Variants in SCP2 observed in about 807,000 individuals in gnomAD.
SCP2 encodes the protein sterol carrier protein 2.
A neutral mutation model predicts 71.4 loss-of-function variants in SCP2; 48 were observed. The ratio of observed to expected loss-of-function variants is 0.67; its 90% CI spans 0.53 to 0.86. SCP2 has a LOEUF of 0.86. Ranked by LOEUF, SCP2 falls within the 40% of genes least tolerant of loss-of-function variation. The pLI is 0.00. For missense variants in SCP2, 560 were observed against 655.6 expected (o/e 0.85, Z 1.59); for synonymous variants, 220 against 218.1 (o/e 1.01, Z -0.08).
chr1:52,995,325 T>C, intron 11 of SCP2: 1 of 477,876 alleles, frequency 2.1e-6, no homozygotes, highest in Non-Finnish European at 4.2e-6. Context: ...GCATTGACAA[T>C]GAGGCCCTCT....
intron 2 of SCP2, among the ~76,000 whole-genome samples, chr1:52,947,329 G>A (rs955103850): frequency 6.8e-6 from 1 of 145,992 alleles, no homozygotes; most frequent in Non-Finnish European, 1.5e-5. Context: ...CTTTTAACTC[G>A]TTTTGCTTTC....
chr1:53,007,226 A>G (rs1222487257), intron 11 of SCP2, among the ~76,000 whole-genome samples: 5 of 152,296 alleles, frequency 3.3e-5, no homozygotes, highest in African/African-American at 1.2e-4. Flanking sequence ...AACGAGAGAG[A>G]AAGTTAACAA....
At chr1:52,996,708 G>A (rs1659960265) in intron 11 of SCP2, among the ~76,000 whole-genome samples, 1 of 152,130 alleles carries the variant, frequency 6.6e-6, no homozygotes, top group South Asian at 2.1e-4. Flanking sequence ...GATCAAGGGG[G>A]GAAAGAGATC....
At chr1:53,003,034 C>G (rs1357522301) in intron 11 of SCP2, among the ~76,000 whole-genome samples, 1 of 152,136 alleles carries the variant, frequency 6.6e-6, no homozygotes, top group Non-Finnish European at 1.5e-5. Flanking sequence ...TCCAGGCCAC[C>G]CATCCTTGTT....
intron 14 of SCP2, among the ~76,000 whole-genome samples, chr1:53,046,163 C>T (rs1050314477): frequency 1.3e-5 from 2 of 152,038 alleles, no homozygotes; most frequent in African/African-American, 2.4e-5. Flanking sequence ...CATTTTTCTT[C>T]GGTAAATACC....
intron 11 of SCP2, among the ~76,000 whole-genome samples, chr1:53,000,086 C>T (rs748271770): frequency 2.0e-4 from 31 of 151,728 alleles, no homozygotes; most frequent in Admixed American, 6.6e-5. Flanking sequence ...GGATTACAGG[C>T]GTGAGCTGTC....
intron 11 of SCP2, among the ~76,000 whole-genome samples, chr1:52,992,098 T>C (rs1033685182): frequency 2.6e-5 from 4 of 152,228 alleles, no homozygotes; most frequent in Admixed American, 6.5e-5. Flanking sequence ...TTGGGAAGGT[T>C]TCTTGAGTAG....
intron 4 of SCP2, among the ~76,000 whole-genome samples, chr1:52,953,758 G>A (rs1655532242): frequency 1.3e-5 from 2 of 151,508 alleles, no homozygotes; most frequent in Admixed American, 6.6e-5. Context: ...GGAAGCTGAG[G>A]TGGGTGGATC....
In SCP2 at chr1:53,025,074, A is replaced by G. The variant is rs72903119; in HGVS notation, c.1236-2895A>G. On this transcript the variant is annotated intron_variant, in intron 12 of 15. Transcript: ENST00000371514. The stretch of plus-strand genomic sequence containing the variant: ...TCTTCTATTCACTCTTCAATTCACT[A>G]TAATCTGACTTCCACCCTCCACTGA... Among the ~76,000 whole-genome samples the G allele has an allele frequency of 6.2e-3, 944 of 152,078 alleles. 15 individuals carry two copies. Among genetic ancestry groups the G allele is most frequent in the African/African-American group, 0.022 (906 of 41,460 alleles).
Sources: allele counts gnomAD v4.1 joint callset (sites outside exome capture counted in the v4.1 genomes callset), GRCh38; gene constraint gnomAD v4.1.1; transcripts MANE v1.5; gene names NCBI Gene and HGNC (gene_info 2026-07-23, HGNC 2026-07-21).